The following SHLD1 variants were observed in gnomAD, a reference collection of about 807,000 sequenced individuals.
The protein encoded by SHLD1 is shieldin complex subunit 1, also known as RINN1-REV7-interacting novel NHEJ regulator 3.
In SHLD1, 3 loss-of-function variants were observed where a neutral mutation model predicts 5.5. That is an observed-to-expected ratio of 0.54 (90% CI 0.25 to 1.40). SHLD1 has a LOEUF of 1.40. Among genes scored for constraint, SHLD1 ranks in the 40% most tolerant of loss-of-function variants. The probability of loss-of-function intolerance (pLI) is 0.15; values close to 1 mark genes in which losing one functional copy is unlikely to be tolerated. For missense variants in SHLD1, 210 were observed against 244.4 expected (o/e 0.86, Z 0.94); for synonymous variants, 92 against 94.3 (o/e 0.98, Z 0.14).
chr20:5,814,654 C>CTTTTTTTTTTTTT (rs148119460), intron 2 of SHLD1, among the ~76,000 whole-genome samples: 60 of 103,802 alleles, frequency 5.8e-4, no homozygotes, highest in Non-Finnish European at 6.7e-4. Flanking sequence ...TTTTCTTCTT[C>CTTTTTTTTTTTTT]TTTTTTTTTT....
intron 2 of SHLD1, among the ~76,000 whole-genome samples, chr20:5,791,735 A>G (rs554582458): frequency 1.3e-5 from 2 of 152,290 alleles, no homozygotes; most frequent in East Asian, 3.9e-4. Flanking sequence ...TGCAAATCCC[A>G]TACCTGACAA....
intron 2 of SHLD1, among the ~76,000 whole-genome samples, chr20:5,853,926 A>G (rs1600182010): frequency 6.9e-6 from 1 of 145,870 alleles, no homozygotes; most frequent in Non-Finnish European, 1.5e-5. Context: ...TGCAGCCTCC[A>G]CCTCCTAGCC....
At chr20:5,775,994 C>A (rs1381262512) in intron 2 of SHLD1, among the ~76,000 whole-genome samples, 1 of 137,322 alleles carries the variant, frequency 7.3e-6, no homozygotes, top group East Asian at 2.2e-4. Context: ...GTGGCGTGAT[C>A]TTGGCTCACT....
intron 2 of SHLD1, among the ~76,000 whole-genome samples, chr20:5,859,833 T>A (rs2122512142): frequency 6.6e-6 from 1 of 152,352 alleles, no homozygotes. Flanking sequence ...CTGCCTGACA[T>A]GTGCATGAAA....
chr20:5,811,631 G>T (rs1296910393), intron 2 of SHLD1, among the ~76,000 whole-genome samples: 1 of 152,150 alleles, frequency 6.6e-6, no homozygotes, highest in East Asian at 1.9e-4. Flanking sequence ...AAGGAGGGAG[G>T]ATTGCTTGAG....
chr20:5,778,114 CTTTTTTTTT>C (rs776358532), intron 2 of SHLD1, among the ~76,000 whole-genome samples: 1 of 111,932 alleles, frequency 8.9e-6, no homozygotes, highest in East Asian at 2.6e-4. Context: ...ATCCCTTTTT[CTTTTTTTTT>C]TTTTTTTTTT....
chr20:5,808,290 C>G (rs906298523), intron 2 of SHLD1, among the ~76,000 whole-genome samples: 3 of 151,608 alleles, frequency 2.0e-5, no homozygotes, highest in South Asian at 2.1e-4. Flanking sequence ...CGTAAAAGTC[C>G]TAGGTCTTCA....
intron 2 of SHLD1, among the ~76,000 whole-genome samples, chr20:5,802,355 A>T (rs901040556): frequency 5.3e-5 from 8 of 152,132 alleles, no homozygotes; most frequent in African/African-American, 1.9e-4. Flanking sequence ...TAGGGGTCAG[A>T]CTTCCTGGGG....
chr20:5,853,864 A>G lies in SHLD1; in HGVS notation c.179-9160A>G, dbSNP rs1391488709. Among the ~76,000 whole-genome samples, 36 of 149,518 alleles carry G rather than the reference A, an allele frequency of 2.4e-4. 1 individual carries two copies. Among genetic ancestry groups the G allele is most frequent in the African/African-American group, 8.9e-4 (36 of 40,572 alleles). On this transcript the variant is annotated intron_variant, in intron 2 of 2. Transcript: ENST00000303142. The stretch of plus-strand genomic sequence containing the variant: ...CTACTTTTTTTTTTTTTTTGGAGAT[A>G]GGGTCTGGCTCTGTCGCCTAGGCTG...
intron 2 of SHLD1, among the ~76,000 whole-genome samples, chr20:5,824,626 T>G (rs7266959): frequency 0.49 from 55,107 of 113,600 alleles, 11,940 homozygotes; most frequent in East Asian, 0.64. Context: ...TTGTTGTTTG[T>G]TTTTTTTTTT....
intron 2 of SHLD1, among the ~76,000 whole-genome samples, chr20:5,851,533 T>C (rs1410291914): frequency 6.6e-6 from 1 of 150,774 alleles, no homozygotes; most frequent in Non-Finnish European, 1.5e-5. Flanking sequence ...ACACCAGCCG[T>C]TGTCCAATAA....
chr20:5,760,078 G>A (rs1224916383), intron 1 of SHLD1, among the ~76,000 whole-genome samples: 1 of 152,094 alleles, frequency 6.6e-6, no homozygotes, highest in African/African-American at 2.4e-5. Context: ...AAATATTTAA[G>A]TGGCATTTCC....
intron 1 of SHLD1, among the ~76,000 whole-genome samples, chr20:5,759,615 C>T (rs985384588): frequency 1.3e-5 from 2 of 152,140 alleles, no homozygotes; most frequent in South Asian, 4.1e-4. Flanking sequence ...CTGACTGTAG[C>T]CTCGACCTCC....
At chr20:5,857,919 GA>G (rs2088110713) in intron 2 of SHLD1, among the ~76,000 whole-genome samples, 1 of 152,132 alleles carries the variant, frequency 6.6e-6, no homozygotes, top group African/African-American at 2.4e-5. Context: ...CTAACACGGT[GA>G]AACCCCGTCT....
chr20:5,862,215 G>A (rs376935900), intron 2 of SHLD1, among the ~76,000 whole-genome samples: 15 of 152,326 alleles, frequency 9.8e-5, no homozygotes, highest in East Asian at 5.8e-4. Context: ...TAGTGATAGC[G>A]TAAAAATTTA....
chr20:5,767,610 C>A (rs191862799), intron 1 of SHLD1, among the ~76,000 whole-genome samples: 1 of 152,302 alleles, frequency 6.6e-6, no homozygotes, highest in Admixed American at 6.5e-5. Context: ...TGCCACCAGG[C>A]TTAAGTGCGA....
At chr20:5,751,047 C>G (rs1438993751) in intron 1 of SHLD1, among the ~76,000 whole-genome samples, 1 of 152,108 alleles carries the variant, frequency 6.6e-6, no homozygotes, top group Non-Finnish European at 1.5e-5. Flanking sequence ...TTGTTGTTGA[C>G]AGAATTGTGC....
intron 2 of SHLD1, among the ~76,000 whole-genome samples, chr20:5,783,648 G>A (rs1230849606): frequency 2.0e-5 from 3 of 152,184 alleles, no homozygotes; most frequent in East Asian, 1.9e-4. Context: ...GGCCTGAGGC[G>A]TGAAGGATAA....
intron 2 of SHLD1, among the ~76,000 whole-genome samples, chr20:5,818,371 A>G (rs1166419015): frequency 2.0e-5 from 3 of 152,104 alleles, no homozygotes; most frequent in Admixed American, 2.0e-4. Flanking sequence ...CCACTGCACC[A>G]GGCCATTTTG....
Sources: allele counts gnomAD v4.1 joint callset (sites outside exome capture counted in the v4.1 genomes callset), GRCh38; gene constraint gnomAD v4.1.1; transcripts MANE v1.5; gene names NCBI Gene and HGNC (gene_info 2026-07-23, HGNC 2026-07-21).